OPCML: variants seen among roughly 807,000 people sequenced by gnomAD.
OPCML encodes the protein opioid binding protein/cell adhesion molecule like.
A neutral mutation model predicts 37.8 loss-of-function variants in OPCML; 13 were observed. The observed-to-expected ratio is 0.34, with a 90% CI of 0.22 to 0.55. The LOEUF is 0.55. Ranked by LOEUF, OPCML falls within the 20% of genes least tolerant of loss-of-function variation. The probability of loss-of-function intolerance (pLI) is 0.91; values close to 1 mark genes in which losing one functional copy is unlikely to be tolerated. For synonymous variants in OPCML, 176 were observed against 168.8 expected (o/e 1.04, Z -0.33); for missense variants, 341 against 435.6 (o/e 0.78, Z 1.93).
At chr11:132,945,332 A>G (rs1203633181) in intron 1 of OPCML, among the ~76,000 whole-genome samples, 1 of 152,276 alleles carries the variant, frequency 6.6e-6, no homozygotes, top group Non-Finnish European at 1.5e-5. Context: ...AAGCCTGTAC[A>G]GCATGCTACT....
At chr11:132,543,694 A>T (rs2137385329) in intron 3 of OPCML, among the ~76,000 whole-genome samples, 1 of 152,270 alleles carries the variant, frequency 6.6e-6, no homozygotes, top group Admixed American at 6.5e-5. Flanking sequence ...GGTGTAGCAT[A>T]CACAGTAATG....
chr11:132,542,415 G>C (rs2096358915), intron 3 of OPCML, among the ~76,000 whole-genome samples: 1 of 152,114 alleles, frequency 6.6e-6, no homozygotes, highest in Non-Finnish European at 1.5e-5. Flanking sequence ...GGGAAATGTG[G>C]TTTCTTCCAT....
chr11:133,289,763 A>G (rs2136534813), intron 1 of OPCML, among the ~76,000 whole-genome samples: 1 of 152,196 alleles, frequency 6.6e-6, no homozygotes, highest in East Asian at 1.9e-4. Flanking sequence ...GTTAATGTTT[A>G]AGCCTGGACA....
At chr11:133,225,774 G>A (rs186451125) in intron 1 of OPCML, among the ~76,000 whole-genome samples, 1 of 152,280 alleles carries the variant, frequency 6.6e-6, no homozygotes, top group Non-Finnish European at 1.5e-5. Context: ...CTTAAGTTAT[G>A]GCAAACTGGA....
intron 3 of OPCML, among the ~76,000 whole-genome samples, chr11:132,645,854 T>C (rs1031792245): frequency 1.3e-5 from 2 of 152,226 alleles, no homozygotes; most frequent in Non-Finnish European, 2.9e-5. Flanking sequence ...GCTACCACGT[T>C]GAAGAGTGTA....
At chr11:133,155,957 T>G (rs1950056469) in intron 1 of OPCML, among the ~76,000 whole-genome samples, 1 of 152,186 alleles carries the variant, frequency 6.6e-6, no homozygotes, top group Non-Finnish European at 1.5e-5. Flanking sequence ...TCTCTAGTCC[T>G]GTGTCTTTTT....
At chr11:132,566,040 G>A (rs568272120) in intron 3 of OPCML, among the ~76,000 whole-genome samples, 1 of 152,034 alleles carries the variant, frequency 6.6e-6, no homozygotes, top group Admixed American at 6.5e-5. Flanking sequence ...CTCAAAAACA[G>A]AACAAAATAA....
At chr11:132,565,324 C>T (rs1054804388) in intron 3 of OPCML, among the ~76,000 whole-genome samples, 1 of 152,136 alleles carries the variant, frequency 6.6e-6, no homozygotes, top group Non-Finnish European at 1.5e-5. Context: ...CTGGTGACTT[C>T]ACAGAAATTC....
chr11:133,012,143 G>T (rs1171667669), intron 1 of OPCML, among the ~76,000 whole-genome samples: 3 of 152,122 alleles, frequency 2.0e-5, no homozygotes, highest in South Asian at 4.1e-4. Context: ...TCCGGAGGGG[G>T]CACGGTATTA....
In OPCML at chr11:132,988,662, C is replaced by G. The variant is rs79472922; in HGVS notation, c.62-45652G>C. On this transcript the variant is annotated intron_variant, in intron 1 of 7. Coordinates refer to ENST00000524381, the MANE Select transcript of OPCML (RefSeq NM_001012393.5). ...CTTCTCTCTAGTTCTGACACAATGT[C>G]ACTCCCTCTGCTAGTTTTGCAGAAT... 2.0e-3 allele frequency among the ~76,000 whole-genome samples: 307 copies of G among 152,308 alleles called. 1 individual carries two copies. Among genetic ancestry groups the G allele is most frequent in the African/African-American group, 6.8e-3 (284 of 41,558 alleles).
intron 1 of OPCML, among the ~76,000 whole-genome samples, chr11:133,099,264 C>CT (rs1023553714): frequency 1.2e-3 from 177 of 144,924 alleles, no homozygotes; most frequent in South Asian, 2.4e-3. Flanking sequence ...AGTTTTTTAT[C>CT]TTTTTTTTTT....
chr11:132,567,360 T>A (rs899553451), intron 3 of OPCML, among the ~76,000 whole-genome samples: 10 of 152,224 alleles, frequency 6.6e-5, no homozygotes, highest in African/African-American at 2.4e-4. Flanking sequence ...TCCTCTAAAC[T>A]GTGCTACAGG....
In OPCML at chr11:132,750,794, C is replaced by CT. The variant is rs762942241; in HGVS notation, c.147-93476dup. On this transcript the variant is annotated intron_variant, in intron 2 of 7. Transcript: ENST00000524381. ...ACAGAACATTCTTTGTAAAGAAAACCTTTTTTTTTTTTTGAGACAGAGTCT... is the reference window on the plus strand; with the variant it reads ...ACAGAACATTCTTTGTAAAGAAAACCTTTTTTTTTTTTTTGAGACAGAGTCT... 3.5e-3 allele frequency among the ~76,000 whole-genome samples: 502 copies of CT among 144,180 alleles called. 3 individuals carry two copies. The highest frequency in any genetic ancestry group is 5.1e-3 in the Admixed American group (74 of 14,378). The allele number at this position is 144,180 out of a possible 152,430, so 94.6% of individuals were successfully genotyped here. A position where few individuals can be genotyped will look rare whatever the true frequency, so the allele number is the denominator to read the frequency against.
intron 1 of OPCML, among the ~76,000 whole-genome samples, chr11:133,217,659 A>G (rs1284472137): frequency 6.6e-6 from 1 of 152,106 alleles, no homozygotes; most frequent in African/African-American, 2.4e-5. Flanking sequence ...GATGAGCAAG[A>G]TGGGGGACAA....
At position 133,381,472 on chromosome 11, in the gene OPCML, T is replaced by C. The variant is rs1170610609; in HGVS notation, c.61+150792A>G. Among the ~76,000 whole-genome samples, 3 of 152,346 alleles carry C rather than the reference T, an allele frequency of 2.0e-5. No homozygotes were observed. In the East Asian group the frequency reaches 5.8e-4, roughly 29 times the overall value. ...AGAACTTATACAGGGCAGTGTGAGT[T>C]GGTCATGCCCATGGTGGAGACCTGG... On this transcript the variant is annotated intron_variant, in intron 1 of 7. Transcript: ENST00000524381.
intron 2 of OPCML, among the ~76,000 whole-genome samples, chr11:132,735,013 C>T (rs1591534374): frequency 6.6e-6 from 1 of 152,130 alleles, no homozygotes; most frequent in South Asian, 2.1e-4. Flanking sequence ...ACTAGGTGAT[C>T]TAGATAAGAT....
intron 1 of OPCML, among the ~76,000 whole-genome samples, chr11:133,227,680 CCT>C (rs1940096049): frequency 6.6e-6 from 1 of 152,154 alleles, no homozygotes; most frequent in African/African-American, 2.4e-5. Flanking sequence ...GGCTGGATTC[CCT>C]GTTTCTTTGT....
chr11:133,246,343 A>G (rs1221544071), intron 1 of OPCML, among the ~76,000 whole-genome samples: 1 of 152,242 alleles, frequency 6.6e-6, no homozygotes, highest in African/African-American at 2.4e-5. Context: ...ACATCATGAT[A>G]ACCATTAAAG....
intron 2 of OPCML, among the ~76,000 whole-genome samples, chr11:132,737,787 T>C (rs1945309255): frequency 6.6e-6 from 1 of 152,222 alleles, no homozygotes; most frequent in Non-Finnish European, 1.5e-5. Context: ...CTTATTCTGG[T>C]ATAGTCTTAG....
Sources: allele counts gnomAD v4.1 joint callset (sites outside exome capture counted in the v4.1 genomes callset), GRCh38; gene constraint gnomAD v4.1.1; transcripts MANE v1.5; gene names NCBI Gene and HGNC (gene_info 2026-07-23, HGNC 2026-07-21).